The following TRPS1 variants were observed in gnomAD, a reference collection of about 807,000 sequenced individuals.
TRPS1 encodes zinc finger transcription factor Trps1.
In TRPS1, 6 loss-of-function variants were observed where a neutral mutation model predicts 101.2. The observed-to-expected ratio is 0.06, with a 90% CI of 0.03 to 0.12. The LOEUF is 0.12. Among genes scored for constraint, TRPS1 ranks in the 10% least tolerant of loss-of-function variants. TRPS1 has a pLI of 1.00. For synonymous variants in TRPS1, 578 were observed against 589.8 expected (o/e 0.98, Z 0.29); for missense variants, 1,363 against 1,567.0 (o/e 0.87, Z 2.20).
chr8:115,636,947 C>A (rs569222033), intron 1 of TRPS1, among the ~76,000 whole-genome samples: 55 of 148,754 alleles, frequency 3.7e-4, no homozygotes, highest in Non-Finnish European at 5.8e-4. Flanking sequence ...AAAAAAAAAA[C>A]ACACACAAAA....
chr8:115,646,155 T>C (rs1819020395), intron 1 of TRPS1, among the ~76,000 whole-genome samples: 1 of 152,190 alleles, frequency 6.6e-6, no homozygotes, highest in Non-Finnish European at 1.5e-5. Context: ...GAAATAAATA[T>C]TCAATCGTTT....
Position 115,588,598 on chromosome 8 carries a change from T to G in TRPS1, c.2097-994A>C, listed in dbSNP as rs1817618131. Among the ~76,000 whole-genome samples, 4 of 152,236 alleles carry G rather than the reference T, an allele frequency of 2.6e-5. No individual in the cohort carries two copies. In the South Asian group the frequency reaches 8.3e-4, roughly 31 times the overall value. On this transcript the variant is annotated intron_variant, in intron 4 of 6. Transcript: ENST00000395715. The stretch of plus-strand genomic sequence containing the variant: ...AAAAAGAAGAACAGAAGTATTGCAC[T>G]GTAAAAAGCATACCCGAAAGATACA...
chr8:115,487,736 G>A (rs1447159524), intron 5 of TRPS1, among the ~76,000 whole-genome samples: 1 of 152,192 alleles, frequency 6.6e-6, no homozygotes, highest in Non-Finnish European at 1.5e-5. Flanking sequence ...GTAACTGATT[G>A]CTGTAATCTC....
At chr8:115,432,570 A>C (rs1586268090) in intron 5 of TRPS1, among the ~76,000 whole-genome samples, 1 of 151,964 alleles carries the variant, frequency 6.6e-6, no homozygotes, top group Non-Finnish European at 1.5e-5. Context: ...GAATGGACTG[A>C]TTAGTATCAA....
intron 5 of TRPS1, among the ~76,000 whole-genome samples, chr8:115,531,101 A>T (rs1816120759): frequency 6.6e-6 from 1 of 152,098 alleles, no homozygotes; most frequent in Non-Finnish European, 1.5e-5. Context: ...AAAAAAGAGT[A>T]TGTTAAGTGA....
chr8:115,491,480 T>C (rs1815019614), intron 5 of TRPS1, among the ~76,000 whole-genome samples: 2 of 152,128 alleles, frequency 1.3e-5, no homozygotes, highest in South Asian at 2.1e-4. Context: ...CCAGAAGGAA[T>C]CATGGTAAAC....
intron 5 of TRPS1, among the ~76,000 whole-genome samples, chr8:115,525,395 G>C (rs1815971607): frequency 1.3e-5 from 2 of 152,132 alleles, no homozygotes; most frequent in Admixed American, 1.3e-4. Flanking sequence ...ATCTCTATCA[G>C]GCTCACTCAG....
At chr8:115,550,507 A>G (rs1455729479) in intron 5 of TRPS1, among the ~76,000 whole-genome samples, 1 of 152,208 alleles carries the variant, frequency 6.6e-6, no homozygotes, top group African/African-American at 2.4e-5. Flanking sequence ...CTAAATGACA[A>G]TTAATGCAAA....
rs1812788987 is a variant in TRPS1 at position 115,411,521 on chromosome 8, ATAT to A, written c.*2499_*2501del. The A allele has an allele frequency of 6.6e-6, 1 of 152,486 alleles. No individual in the cohort carries two copies. Among genetic ancestry groups the A allele is most frequent in the Admixed American group, 6.6e-5 (1 of 15,242 alleles). The allele number at this position is 152,486 out of a possible 1,614,324, so 9.4% of individuals were successfully genotyped here. ...TTATTCTTTTTACTAAGAAAATTAA[ATAT>A]TGTTGTTTGGGGGAATCTCCTCTCT... On this transcript the variant is annotated 3_prime_UTR_variant, in exon 7 of 7. Transcript: ENST00000395715.
chr8:115,580,880 T>C (rs6993253), intron 5 of TRPS1, among the ~76,000 whole-genome samples: 105,583 of 151,914 alleles, frequency 0.7, 38,089 homozygotes, highest in African/African-American at 0.89. Context: ...ATACATGATC[T>C]AGCAATCCCT....
At chr8:115,551,146 T>C (rs1816694841) in intron 5 of TRPS1, among the ~76,000 whole-genome samples, 1 of 152,174 alleles carries the variant, frequency 6.6e-6, no homozygotes, top group East Asian at 1.9e-4. Flanking sequence ...AGCACTTTTT[T>C]CAAAACCAGA....
chr8:115,561,492 G>A (rs999784456), intron 5 of TRPS1, among the ~76,000 whole-genome samples: 2 of 150,764 alleles, frequency 1.3e-5, no homozygotes, highest in African/African-American at 4.9e-5. Flanking sequence ...CTCTTAATTA[G>A]TTTGGAACTC....
intron 5 of TRPS1, among the ~76,000 whole-genome samples, chr8:115,577,978 C>T (rs1241732265): frequency 2.0e-5 from 3 of 152,084 alleles, no homozygotes; most frequent in African/African-American, 7.2e-5. Context: ...AGAAATTATT[C>T]GCCCGAGAAA....
intron 3 of TRPS1, among the ~76,000 whole-genome samples, chr8:115,608,015 G>T (rs1305885499): frequency 6.6e-6 from 1 of 152,062 alleles, no homozygotes; most frequent in Non-Finnish European, 1.5e-5. Context: ...GAACAATTAT[G>T]CAAAATAAGT....
Position 115,422,613 on chromosome 8 carries a change from G to A in TRPS1, c.2701-4161C>T, listed in dbSNP as rs529717449. Among the ~76,000 whole-genome samples the A allele has an allele frequency of 2.0e-5, 3 of 152,102 alleles. No homozygotes were observed. In the South Asian group the frequency reaches 6.2e-4, roughly 31 times the overall value. On this transcript the variant is annotated intron_variant, in intron 5 of 6. Coordinates refer to ENST00000395715, the MANE Select transcript of TRPS1 (RefSeq NM_014112.5). Reference sequence around the variant, plus strand: ...ACTCCTGACCTCAGGTGATCCACCGGCCTCTGCCTCCCAAAGTGCTGGGAT... The same window carrying A: ...ACTCCTGACCTCAGGTGATCCACCGACCTCTGCCTCCCAAAGTGCTGGGAT...
chr8:115,563,904 G>A (rs1268105303), intron 5 of TRPS1, among the ~76,000 whole-genome samples: 8 of 152,080 alleles, frequency 5.3e-5, no homozygotes, highest in Non-Finnish European at 1.2e-4. Flanking sequence ...CAGTGAATCA[G>A]TTACCAAGAA....
At chr8:115,536,522 C>CGAAAAA (rs1816325882) in intron 5 of TRPS1, among the ~76,000 whole-genome samples, 1 of 102,912 alleles carries the variant, frequency 9.7e-6, no homozygotes, top group Non-Finnish European at 1.9e-5. Context: ...GACTCCGTCT[C>CGAAAAA]AAAAAAAAAA....
rs1563757457 is a variant in TRPS1 at position 115,475,269 on chromosome 8, TATA to T, written c.2701-56820_2701-56818del. Among the ~76,000 whole-genome samples the T allele has an allele frequency of 4.1e-4, 5 of 12,130 alleles. No homozygotes were observed. The South Asian group carries it at 0.019, about 46-fold the overall frequency. 8.0% of individuals were successfully genotyped at this position (12,130 alleles called of 152,430 possible). The stretch of plus-strand genomic sequence containing the variant: ...ACTATATATTTTTGAATCACAGTTA[TATA>T]TATATATATATATATATATATATAT... On this transcript the variant is annotated intron_variant, in intron 5 of 6. Coordinates refer to ENST00000395715, the MANE Select transcript of TRPS1 (RefSeq NM_014112.5).
At chr8:115,523,234 C>T (rs1815911499) in intron 5 of TRPS1, among the ~76,000 whole-genome samples, 1 of 152,058 alleles carries the variant, frequency 6.6e-6, no homozygotes, top group African/African-American at 2.4e-5. Flanking sequence ...TAAAAGGTTT[C>T]AGTAATTTTG....
Sources: allele counts gnomAD v4.1 joint callset (sites outside exome capture counted in the v4.1 genomes callset), GRCh38; gene constraint gnomAD v4.1.1; transcripts MANE v1.5; gene names NCBI Gene and HGNC (gene_info 2026-07-23, HGNC 2026-07-21).